Variants in DLG2 observed in about 807,000 individuals in gnomAD.
DLG2 encodes discs large MAGUK scaffold protein 2.
DLG2 carries 45 observed loss-of-function variants against 132.5 expected under a neutral mutation model. The observed-to-expected ratio is 0.34, with a 90% confidence interval of 0.27 to 0.44. The LOEUF is 0.44. Ranked by LOEUF, DLG2 falls within the 20% of genes least tolerant of loss-of-function variation. The probability of loss-of-function intolerance (pLI) is 1.00; values close to 1 mark genes in which losing one functional copy is unlikely to be tolerated. For missense variants in DLG2, 1,045 were observed against 1,196.9 expected (o/e 0.87, Z 1.87); for synonymous variants, 424 against 419.6 (o/e 1.01, Z -0.13).
At chr11:84,397,339 A>G (rs1295595324) in intron 7 of DLG2, among the ~76,000 whole-genome samples, 2 of 152,230 alleles carry the variant, frequency 1.3e-5, no homozygotes, top group Non-Finnish European at 2.9e-5. Context: ...ACTTCATTCT[A>G]AATTATAAAC....
intron 6 of DLG2, among the ~76,000 whole-genome samples, chr11:85,078,194 A>G (rs2066793782): frequency 6.7e-6 from 1 of 149,918 alleles, no homozygotes; most frequent in Non-Finnish European, 1.5e-5. Flanking sequence ...AGGTAAGTTA[A>G]TATCTAGTAT....
At chr11:84,681,015 G>T (rs1395287925) in intron 6 of DLG2, among the ~76,000 whole-genome samples, 1 of 152,138 alleles carries the variant, frequency 6.6e-6, no homozygotes, top group Admixed American at 6.5e-5. Context: ...ACACTGGGAT[G>T]CAGTGGCCAA....
intron 19 of DLG2, among the ~76,000 whole-genome samples, chr11:83,605,469 C>G (rs756518434): frequency 6.6e-6 from 1 of 152,168 alleles, no homozygotes; most frequent in Non-Finnish European, 1.5e-5. Context: ...AGGGAAATAA[C>G]TCCAGAAGAG....
chr11:85,448,690 T>A (rs1197066667), intron 3 of DLG2, among the ~76,000 whole-genome samples: 1 of 152,142 alleles, frequency 6.6e-6, no homozygotes, highest in Non-Finnish European at 1.5e-5. Context: ...AGAAGTAGCC[T>A]CTATTTAGGA....
chr11:83,480,391 G>A (rs1205837506), intron 22 of DLG2: 75 of 1,535,200 alleles, frequency 4.9e-5, no homozygotes, highest in Non-Finnish European at 6.5e-5. Context: ...TTTCGCTATC[G>A]CTGGCATTAG....
intron 21 of DLG2, chr11:83,486,291 C>A: frequency 1.5e-6 from 1 of 678,852 alleles, no homozygotes; most frequent in Non-Finnish European, 2.7e-6. Flanking sequence ...GAATTAATGG[C>A]ATGTGATACT....
intron 9 of DLG2, among the ~76,000 whole-genome samples, chr11:84,129,329 G>T (rs56214738): frequency 0.01 from 1,540 of 152,134 alleles, 9 homozygotes; most frequent in Non-Finnish European, 0.016. Flanking sequence ...TGGGTATTCA[G>T]GAAGGCATCT....
chr11:85,346,707 C>T (rs562814503), intron 3 of DLG2, among the ~76,000 whole-genome samples: 60 of 152,232 alleles, frequency 3.9e-4, no homozygotes, highest in African/African-American at 1.4e-3. Flanking sequence ...CCTCATTTTC[C>T]TAGCCCTCAC....
At chr11:84,547,799 T>C (rs527669172) in intron 6 of DLG2, among the ~76,000 whole-genome samples, 1 of 152,186 alleles carries the variant, frequency 6.6e-6, no homozygotes, top group Non-Finnish European at 1.5e-5. Flanking sequence ...CAGGGGCAAA[T>C]ATTCTGCTTG....
intron 19 of DLG2, among the ~76,000 whole-genome samples, chr11:83,563,079 A>G (rs2096642748): frequency 7.1e-6 from 1 of 141,780 alleles, no homozygotes; most frequent in Admixed American, 7.7e-5. Flanking sequence ...GGTTCATGCC[A>G]TTCTCCTGCC....
At chr11:85,582,453 A>G (rs2078589330) in intron 3 of DLG2, among the ~76,000 whole-genome samples, 1 of 152,034 alleles carries the variant, frequency 6.6e-6, no homozygotes, top group Non-Finnish European at 1.5e-5. Flanking sequence ...ATCAAGGAAC[A>G]GATCCAAAAA....
chr11:85,378,056 T>G (rs2085576324), intron 3 of DLG2, among the ~76,000 whole-genome samples: 1 of 152,022 alleles, frequency 6.6e-6, no homozygotes, highest in African/African-American at 2.4e-5. Flanking sequence ...TTTTCTGGAA[T>G]GTAGATTAAT....
At position 85,325,293 on chromosome 11, in the gene DLG2, C is replaced by G. The variant is rs548189472; in HGVS notation, c.41-39928G>C. On this transcript the variant is annotated intron_variant, in intron 3 of 27. Transcript: ENST00000376104. ...CCACAGCTCAAGGAGGCCTGTCTGC[C>G]TCTGTAGGCTCCACGTCTGGGGGCA... is the stretch of plus-strand genomic sequence containing the variant. Among the ~76,000 whole-genome samples, 1,170 of 152,338 alleles carry G rather than the reference C, an allele frequency of 7.7e-3. 15 individuals are homozygous for G. The highest frequency in any genetic ancestry group is 0.027 in the African/African-American group (1,122 of 41,576).
At chr11:83,502,640 C>T (rs538156623) in intron 21 of DLG2, among the ~76,000 whole-genome samples, 59 of 152,178 alleles carry the variant, frequency 3.9e-4, no homozygotes, top group African/African-American at 1.4e-3. Flanking sequence ...TCTGTAGCTT[C>T]CCTAAGGGCT....
intron 6 of DLG2, among the ~76,000 whole-genome samples, chr11:84,598,085 G>A (rs1218101829): frequency 6.6e-6 from 1 of 152,186 alleles, no homozygotes; most frequent in Non-Finnish European, 1.5e-5. Flanking sequence ...AAGTTGCAGA[G>A]TAACAAGCTA....
chr11:84,309,689 T>C (rs1055965593), intron 7 of DLG2, among the ~76,000 whole-genome samples: 2 of 151,950 alleles, frequency 1.3e-5, no homozygotes, highest in Middle Eastern at 3.2e-3. Flanking sequence ...TCAAATAATA[T>C]CAGAAAAAGA....
chr11:84,179,330 T>C (rs1225001253), intron 8 of DLG2, among the ~76,000 whole-genome samples: 1 of 152,144 alleles, frequency 6.6e-6, no homozygotes, highest in Non-Finnish European at 1.5e-5. Flanking sequence ...TATTGTTAGA[T>C]CCATCAGAGA....
chr11:85,244,499 T>C (rs2076042339), intron 4 of DLG2, among the ~76,000 whole-genome samples: 2 of 151,952 alleles, frequency 1.3e-5, no homozygotes, highest in South Asian at 2.1e-4. Flanking sequence ...TCACTGCTTA[T>C]AGCTGTGAAA....
intron 18 of DLG2, among the ~76,000 whole-genome samples, chr11:83,690,186 C>T (rs1343807662): frequency 6.6e-6 from 1 of 150,586 alleles, no homozygotes; most frequent in Admixed American, 6.6e-5. Flanking sequence ...GTCTTGGCTA[C>T]CACTGGGGTG....
Sources: allele counts gnomAD v4.1 joint callset (sites outside exome capture counted in the v4.1 genomes callset), GRCh38; gene constraint gnomAD v4.1.1; transcripts MANE v1.5; gene names NCBI Gene and HGNC (gene_info 2026-07-23, HGNC 2026-07-21).